SLC24A2: variants seen among roughly 807,000 people sequenced by gnomAD.
SLC24A2 encodes the protein sodium/potassium/calcium exchanger 2.
A neutral mutation model predicts 62.0 loss-of-function variants in SLC24A2; 36 were observed. The ratio of observed to expected loss-of-function variants is 0.58; its 90% CI spans 0.44 to 0.77. The LOEUF is 0.77. Among genes scored for constraint, SLC24A2 ranks in the 30% least tolerant of loss-of-function variants. SLC24A2 has a pLI of 0.00. For missense variants in SLC24A2, 846 were observed against 817.9 expected (o/e 1.03, Z -0.42); for synonymous variants, 358 against 294.0 (o/e 1.22, Z -2.23).
At chr9:20,260,845 C>CTTGTTTTTTT in the SLC24A2 span, among the ~76,000 whole-genome samples, 1 of 110,516 alleles carries the variant, frequency 9.0e-6, no homozygotes, top group African/African-American at 3.7e-5. Flanking sequence ...ACGTATCATT[C>CTTGTTTTTTT]TTTCTTTTTT....
At chr9:19,964,878 G>C in the SLC24A2 span, among the ~76,000 whole-genome samples, 3 of 152,156 alleles carry the variant, frequency 2.0e-5, 1 homozygote, top group Admixed American at 6.5e-5. Flanking sequence ...AGCTTCTGAA[G>C]GATACTCTCA....
At chr9:19,691,193 T>G (rs976788986) in intron 2 of SLC24A2, among the ~76,000 whole-genome samples, 13 of 152,000 alleles carry the variant, frequency 8.6e-5, no homozygotes, top group Non-Finnish European at 1.9e-4. Flanking sequence ...CACCTGCATG[T>G]AAGGGAAACT....
the SLC24A2 span, among the ~76,000 whole-genome samples, chr9:19,935,917 A>G: frequency 2.0e-5 from 3 of 152,214 alleles, no homozygotes; most frequent in Non-Finnish European, 4.4e-5. Context: ...GAGGAGAAAA[A>G]GCTTCTCTAA....
chr9:19,868,494 G>A, the SLC24A2 span, among the ~76,000 whole-genome samples: 1 of 152,168 alleles, frequency 6.6e-6, no homozygotes, highest in African/African-American at 2.4e-5. Flanking sequence ...TGTTAGTTAG[G>A]TCAATTTGAT....
At chr9:19,924,009 G>C in the SLC24A2 span, among the ~76,000 whole-genome samples, 2 of 152,222 alleles carry the variant, frequency 1.3e-5, no homozygotes, top group African/African-American at 2.4e-5. Flanking sequence ...AAACGGCTGA[G>C]ATTACAGAGA....
the SLC24A2 span, among the ~76,000 whole-genome samples, chr9:20,233,360 T>C: frequency 1.3e-5 from 2 of 152,202 alleles, no homozygotes; most frequent in African/African-American, 4.8e-5. Flanking sequence ...TGTGGGAGTC[T>C]AAGTCTCTTT....
chr9:19,589,409 G>A (rs951489214), intron 5 of SLC24A2, among the ~76,000 whole-genome samples: 6 of 152,156 alleles, frequency 3.9e-5, no homozygotes, highest in Admixed American at 3.9e-4. Flanking sequence ...GGGAATGGAT[G>A]GAATCTGGGG....
the SLC24A2 span, among the ~76,000 whole-genome samples, chr9:20,014,495 G>GATATATATATATATATATATATAT: frequency 7.1e-6 from 1 of 140,702 alleles, no homozygotes; most frequent in African/African-American, 2.6e-5. Context: ...AGAAAAATGT[G>GATATATATATATATATATATATAT]ATATATATAT....
At chr9:19,737,656 A>G (rs1359567995) in intron 2 of SLC24A2, among the ~76,000 whole-genome samples, 1 of 152,066 alleles carries the variant, frequency 6.6e-6, no homozygotes, top group East Asian at 1.9e-4. Flanking sequence ...GAATATCAAA[A>G]AATTATTTTT....
chr9:19,517,849 C>CT (rs940214332), intron 10 of SLC24A2, among the ~76,000 whole-genome samples: 5 of 151,352 alleles, frequency 3.3e-5, no homozygotes, highest in Admixed American at 1.3e-4. Flanking sequence ...GGGACTTGGC[C>CT]TGGGAAACTC....
chr9:20,256,035 T>C, the SLC24A2 span, among the ~76,000 whole-genome samples: 1 of 152,150 alleles, frequency 6.6e-6, no homozygotes, highest in Admixed American at 6.5e-5. Context: ...AATCCCATGG[T>C]AGAAGGGCAG....
the SLC24A2 span, among the ~76,000 whole-genome samples, chr9:20,074,755 T>C: frequency 6.6e-6 from 1 of 152,098 alleles, no homozygotes; most frequent in Non-Finnish European, 1.5e-5. Flanking sequence ...ATGCTGCCCC[T>C]ATAGTGCTGT....
At chr9:20,288,039 A>G in the SLC24A2 span, among the ~76,000 whole-genome samples, 1 of 141,644 alleles carries the variant, frequency 7.1e-6, no homozygotes, top group Non-Finnish European at 1.6e-5. Flanking sequence ...AGTTAGGAAA[A>G]AAACACACAC....
chr9:19,534,165 G>T lies in SLC24A2; in HGVS notation c.1480-6027C>A, dbSNP rs573695658. 9.1e-4 allele frequency among the ~76,000 whole-genome samples: 138 copies of T among 152,180 alleles called. 1 individual carries two copies. Among genetic ancestry groups the T allele is most frequent in the African/African-American group, 3.0e-3 (126 of 41,520 alleles). Reference sequence around the variant, plus strand: ...TAATGTTGTACAGCTAATCAGCTGTGGGGGGAAAACCCATCACAGTCAATG... The same window carrying T: ...TAATGTTGTACAGCTAATCAGCTGTTGGGGGAAAACCCATCACAGTCAATG... On this transcript the variant is annotated intron_variant, in intron 8 of 10. Coordinates refer to ENST00000341998, the MANE Select transcript of SLC24A2 (RefSeq NM_020344.4).
At chr9:19,776,900 T>C (rs1198229486) in intron 2 of SLC24A2, among the ~76,000 whole-genome samples, 2 of 152,170 alleles carry the variant, frequency 1.3e-5, no homozygotes, top group Non-Finnish European at 2.9e-5. Flanking sequence ...ATCTCCCACA[T>C]TCCAGATGTG....
At chr9:19,630,326 A>C (rs1818145350) in intron 2 of SLC24A2, among the ~76,000 whole-genome samples, 1 of 152,210 alleles carries the variant, frequency 6.6e-6, no homozygotes, top group South Asian at 2.1e-4. Context: ...AGGGCATTAG[A>C]TATTTAAAAT....
chr9:20,230,498 T>A, the SLC24A2 span, among the ~76,000 whole-genome samples: 2 of 152,360 alleles, frequency 1.3e-5, no homozygotes, highest in African/African-American at 2.4e-5. Flanking sequence ...TGATGACCAT[T>A]TTTTCATGTG....
chr9:20,204,279 T>G, the SLC24A2 span, among the ~76,000 whole-genome samples: 1 of 152,206 alleles, frequency 6.6e-6, no homozygotes, highest in Non-Finnish European at 1.5e-5. Flanking sequence ...TCCACAGCAT[T>G]GCCACCTTCA....
the SLC24A2 span, among the ~76,000 whole-genome samples, chr9:19,934,719 G>A: frequency 3.3e-5 from 5 of 152,198 alleles, no homozygotes; most frequent in East Asian, 1.9e-4. The surrounding 1 kb of genome is among the most constrained non-coding windows in gnomAD (Gnocchi z 4.1). Context: ...CGTTCCCTAC[G>A]CTTCCCGGAG....
Sources: gnomAD v4.1 joint callset for allele counts (sites outside exome capture counted in the v4.1 genomes callset) on GRCh38, gnomAD v4.1.1 for gene constraint, Gnocchi (gnomAD v3.1) non-coding constraint, MANE v1.5 for transcripts, NCBI Gene and HGNC (gene_info 2026-07-23, HGNC 2026-07-21) for gene names.